Variants in CACNA2D3 observed in about 807,000 individuals in gnomAD.
The protein encoded by CACNA2D3 is voltage-dependent calcium channel subunit alpha-2/delta-3.
In CACNA2D3, 60 loss-of-function variants were observed where a neutral mutation model predicts 160.6. That is an observed-to-expected ratio of 0.37 (90% CI 0.30 to 0.46). The LOEUF is 0.46. Ranked by LOEUF, CACNA2D3 falls within the 20% of genes least tolerant of loss-of-function variation. CACNA2D3 has a pLI of 1.00. For synonymous variants in CACNA2D3, 558 were observed against 492.9 expected (o/e 1.13, Z -1.75); for missense variants, 1,205 against 1,365.0 (o/e 0.88, Z 1.85).
At chr3:54,243,645 A>G (rs1258337733) in intron 2 of CACNA2D3, among the ~76,000 whole-genome samples, 2 of 152,216 alleles carry the variant, frequency 1.3e-5, no homozygotes, top group African/African-American at 4.8e-5. Flanking sequence ...ACAAACGAAA[A>G]CGAAACAAAA....
intron 3 of CACNA2D3, among the ~76,000 whole-genome samples, chr3:54,380,138 C>T (rs1699076081): frequency 6.6e-6 from 1 of 152,182 alleles, no homozygotes; most frequent in Non-Finnish European, 1.5e-5. Flanking sequence ...TGATTTCTGA[C>T]CCTTGGTACA....
intron 4 of CACNA2D3, among the ~76,000 whole-genome samples, chr3:54,460,902 G>A (rs552796306): frequency 9.9e-5 from 15 of 152,252 alleles, no homozygotes; most frequent in Admixed American, 3.3e-4. Flanking sequence ...GTGTGATATC[G>A]GCTGTGGGTT....
In CACNA2D3 at chr3:54,771,568, A is replaced by T. The variant is rs185354440; in HGVS notation, c.1380+7217A>T. On this transcript the variant is annotated intron_variant, in intron 13 of 37. Transcript: ENST00000474759. ...GCTGGGGACCACTCCCAGCTCCCAAAGGCCACCCAAAGTTCCTTGCCATGT... is the reference window on the plus strand; with the variant it reads ...GCTGGGGACCACTCCCAGCTCCCAATGGCCACCCAAAGTTCCTTGCCATGT... Among the ~76,000 whole-genome samples the T allele has an allele frequency of 1.8e-3, 273 of 152,300 alleles. 2 individuals carry two copies. Among genetic ancestry groups the T allele is most frequent in the African/African-American group, 5.9e-3 (246 of 41,574 alleles).
intron 21 of CACNA2D3, among the ~76,000 whole-genome samples, chr3:54,882,481 G>A (rs1180511748): frequency 1.3e-5 from 2 of 152,088 alleles, no homozygotes; most frequent in Admixed American, 6.5e-5. Flanking sequence ...CTATCTTCCT[G>A]TATGTTCCAC....
chr3:54,195,555 A>G (rs997139906), intron 2 of CACNA2D3, among the ~76,000 whole-genome samples: 3 of 152,254 alleles, frequency 2.0e-5, no homozygotes, highest in Non-Finnish European at 4.4e-5. Context: ...ATGCAGTTAT[A>G]GTCCCCACTT....
chr3:54,945,797 A>G (rs1349387956), intron 27 of CACNA2D3, among the ~76,000 whole-genome samples: 1 of 152,150 alleles, frequency 6.6e-6, no homozygotes, highest in Non-Finnish European at 1.5e-5. Flanking sequence ...TCAGGCAGGG[A>G]CCAGGCAGGG....
rs544345883 is a variant in CACNA2D3, at chr3:54,715,245, T to A, written c.1168-37354T>A. Among the ~76,000 whole-genome samples, 297 of 152,288 alleles carry A rather than the reference T, an allele frequency of 2.0e-3. 1 individual carries two copies. Among genetic ancestry groups the A allele is most frequent in the African/African-American group, 6.5e-3 (270 of 41,542 alleles). On this transcript the variant is annotated intron_variant, in intron 11 of 37. Coordinates refer to ENST00000474759, the MANE Select transcript of CACNA2D3 (RefSeq NM_018398.3). ...AGGGAAACACTTTACTTATAATAAA[T>A]GTACACGTTTATTATAAAGGATATT...
intron 4 of CACNA2D3, among the ~76,000 whole-genome samples, chr3:54,478,680 T>TGCTATATATATATATATATATATATA (rs1700881658): frequency 2.4e-4 from 1 of 4,178 alleles, no homozygotes; most frequent in African/African-American, 2.9e-4. Flanking sequence ...ATATATATAT[T>TGCTATATATATATATATATATATATA]GCTTGTCATT....
chr3:55,033,763 A>ATATAATATATATTATATATTAAATATATT (rs1559469447), intron 35 of CACNA2D3, among the ~76,000 whole-genome samples: 41 of 58,310 alleles, frequency 7.0e-4, no homozygotes, highest in African/African-American at 2.3e-3. Context: ...TTAAATATAT[A>ATATAATATATATTATATATTAAATATATT]TTATATAATA....
At chr3:54,242,738 G>A (rs971610116) in intron 2 of CACNA2D3, among the ~76,000 whole-genome samples, 22 of 152,134 alleles carry the variant, frequency 1.4e-4, no homozygotes, top group African/African-American at 4.8e-4. Flanking sequence ...TGTATGAATT[G>A]TTTATTTTTG....
At chr3:54,992,392 C>T (rs569073850) in intron 31 of CACNA2D3, among the ~76,000 whole-genome samples, 1 of 152,212 alleles carries the variant, frequency 6.6e-6, no homozygotes, top group South Asian at 2.1e-4. Context: ...TACAGCCCAC[C>T]CTCCTGAGTG....
intron 27 of CACNA2D3, among the ~76,000 whole-genome samples, chr3:54,952,813 T>C (rs972859320): frequency 2.6e-5 from 4 of 152,084 alleles, no homozygotes; most frequent in African/African-American, 9.7e-5. Flanking sequence ...ACAATATCTA[T>C]CTATGAGGAT....
intron 4 of CACNA2D3, among the ~76,000 whole-genome samples, chr3:54,453,365 T>A (rs1452896841): frequency 6.6e-6 from 1 of 152,212 alleles, no homozygotes; most frequent in East Asian, 1.9e-4. Context: ...TTTAATTGAC[T>A]TTTTACATCT....
chr3:54,837,293 G>A, intron 15 of CACNA2D3, 63 bp downstream of exon 15: 1 of 1,289,408 alleles, frequency 7.8e-7, no homozygotes, highest in Non-Finnish European at 1.1e-6. Flanking sequence ...GACCCCCTCT[G>A]ACTCCAGCTC....
chr3:55,025,599 A>G (rs1703548545), intron 35 of CACNA2D3, among the ~76,000 whole-genome samples: 1 of 138,558 alleles, frequency 7.2e-6, no homozygotes. Flanking sequence ...GCGCCACTGC[A>G]CTCCAGCCTG....
chr3:54,556,305 G>A (rs1449673481), intron 5 of CACNA2D3, among the ~76,000 whole-genome samples: 1 of 152,084 alleles, frequency 6.6e-6, no homozygotes, highest in Non-Finnish European at 1.5e-5. Flanking sequence ...AGGAGAGAGA[G>A]AGATTTGACA....
intron 5 of CACNA2D3, among the ~76,000 whole-genome samples, chr3:54,555,911 G>A (rs1353918993): frequency 6.6e-6 from 1 of 152,156 alleles, no homozygotes; most frequent in Admixed American, 6.5e-5. Context: ...TTACAGGTAG[G>A]ACCCATTGAC....
At chr3:54,604,991 C>T (rs562507933) in intron 9 of CACNA2D3, among the ~76,000 whole-genome samples, 1 of 152,272 alleles carries the variant, frequency 6.6e-6, no homozygotes, top group East Asian at 1.9e-4. Context: ...ATCAAATTGT[C>T]AGCAGAGCCA....
At chr3:54,613,159 T>A (rs1380411101) in intron 9 of CACNA2D3, among the ~76,000 whole-genome samples, 2 of 152,234 alleles carry the variant, frequency 1.3e-5, no homozygotes, top group East Asian at 3.9e-4. Flanking sequence ...TTTATTAATT[T>A]GCATTTTTAC....
Sources: gnomAD v4.1 joint callset for allele counts (sites outside exome capture counted in the v4.1 genomes callset) on GRCh38, gnomAD v4.1.1 for gene constraint, MANE v1.5 for transcripts, NCBI Gene and HGNC (gene_info 2026-07-23, HGNC 2026-07-21) for gene names.